Variants in SLC24A2 observed in about 807,000 individuals in gnomAD.
SLC24A2 encodes sodium/potassium/calcium exchanger 2.
Under a neutral mutation model 62.0 loss-of-function variants are expected in SLC24A2, and 36 were observed. The observed-to-expected ratio is 0.58, with a 90% CI of 0.44 to 0.77. The LOEUF (loss-of-function observed/expected upper bound fraction) is 0.77. SLC24A2 is among the 30% of genes least tolerant of loss of function. The pLI is 0.00. For synonymous variants in SLC24A2, 358 were observed against 294.0 expected (o/e 1.22, Z -2.23); for missense variants, 846 against 817.9 (o/e 1.03, Z -0.42).
chr9:20,121,073 GTTCT>G, the SLC24A2 span, among the ~76,000 whole-genome samples: 2 of 147,188 alleles, frequency 1.4e-5, no homozygotes, highest in South Asian at 4.5e-4. Context: ...CAACTTTGTT[GTTCT>G]TTCTCAGTCT....
intron 8 of SLC24A2, among the ~76,000 whole-genome samples, chr9:19,546,080 G>A (rs1834552249): frequency 1.3e-5 from 2 of 152,218 alleles, no homozygotes; most frequent in Admixed American, 1.3e-4. Flanking sequence ...TGGAACCTTT[G>A]TCTCATACGG....
chr9:19,721,303 G>T (rs923281899), intron 2 of SLC24A2, among the ~76,000 whole-genome samples: 2 of 152,084 alleles, frequency 1.3e-5, no homozygotes, highest in African/African-American at 4.8e-5. Context: ...ATTTCAGCTG[G>T]ATTTCAGTTA....
At chr9:19,962,172 T>A in the SLC24A2 span, among the ~76,000 whole-genome samples, 1 of 152,208 alleles carries the variant, frequency 6.6e-6, no homozygotes, top group Admixed American at 6.5e-5. Context: ...AGTGTGACTG[T>A]CTTCAAATCC....
intron 2 of SLC24A2, among the ~76,000 whole-genome samples, chr9:19,687,835 T>C (rs543809048): frequency 6.5e-4 from 99 of 152,214 alleles, no homozygotes; most frequent in South Asian, 4.1e-3. Context: ...TCAGGTGCTG[T>C]GACCCCTCAG....
At chr9:20,164,684 C>T in the SLC24A2 span, among the ~76,000 whole-genome samples, 1 of 151,800 alleles carries the variant, frequency 6.6e-6, no homozygotes. Context: ...CACATGCACA[C>T]CTATGTTTAT....
the SLC24A2 span, among the ~76,000 whole-genome samples, chr9:19,806,872 C>A: frequency 6.6e-6 from 1 of 152,118 alleles, no homozygotes; most frequent in South Asian, 2.1e-4. Flanking sequence ...CAAGTAGGTC[C>A]CTCCTTTCTT....
the SLC24A2 span, among the ~76,000 whole-genome samples, chr9:20,085,629 T>C: frequency 6.6e-6 from 1 of 152,238 alleles, no homozygotes; most frequent in Non-Finnish European, 1.5e-5. Flanking sequence ...CAGTTCACCA[T>C]CTCACTGTTA....
chr9:19,617,813 G>T (rs1163356627), intron 4 of SLC24A2, among the ~76,000 whole-genome samples: 1 of 152,200 alleles, frequency 6.6e-6, no homozygotes, highest in South Asian at 2.1e-4. Flanking sequence ...AAGTAGAAAT[G>T]ACATAACCTG....
the SLC24A2 span, among the ~76,000 whole-genome samples, chr9:19,880,223 A>G: frequency 0.11 from 16,885 of 152,164 alleles, 1,632 homozygotes; most frequent in African/African-American, 0.27. Flanking sequence ...TAGCCTGGAC[A>G]CAGCATTCCA....
At chr9:19,553,668 G>A (rs1160992480) in intron 7 of SLC24A2, among the ~76,000 whole-genome samples, 1 of 152,206 alleles carries the variant, frequency 6.6e-6, no homozygotes, top group Non-Finnish European at 1.5e-5. Context: ...GAGTTCCAGT[G>A]TCTGCTCAGG....
chr9:20,170,270 G>A, the SLC24A2 span, among the ~76,000 whole-genome samples: 1 of 142,722 alleles, frequency 7.0e-6, no homozygotes, highest in Non-Finnish European at 1.5e-5. Context: ...AGTGAAACCA[G>A]CACTCAGGCA....
At chr9:19,634,209 C>T (rs1233807584) in intron 2 of SLC24A2, among the ~76,000 whole-genome samples, 4 of 151,558 alleles carry the variant, frequency 2.6e-5, no homozygotes, top group Non-Finnish European at 4.4e-5. Context: ...AACTAACTTG[C>T]CCACAGCAAT....
chr9:20,245,313 G>A, the SLC24A2 span, among the ~76,000 whole-genome samples: 1 of 152,204 alleles, frequency 6.6e-6, no homozygotes, highest in Admixed American at 6.5e-5. Flanking sequence ...TATTTCCACA[G>A]AACTGTGACT....
chr9:20,293,833 C>T, the SLC24A2 span, among the ~76,000 whole-genome samples: 973 of 152,152 alleles, frequency 6.4e-3, 9 homozygotes, highest in African/African-American at 0.023. Context: ...GTACAATGTC[C>T]ACTCCCACCC....
upstream of SLC24A2, among the ~76,000 whole-genome samples, chr9:19,789,898 A>C (rs1254574966): frequency 3.3e-5 from 5 of 152,102 alleles, no homozygotes; most frequent in African/African-American, 1.2e-4. Context: ...TCTCTCCCCC[A>C]TCCAAGAGGG....
intron 2 of SLC24A2, among the ~76,000 whole-genome samples, chr9:19,756,663 T>C (rs777077775): frequency 3.3e-5 from 5 of 152,148 alleles, no homozygotes; most frequent in Non-Finnish European, 5.9e-5. Context: ...CACTACTGAT[T>C]ATCCTAAAGT....
At chr9:19,785,717 G>A (rs1035524569) in intron 2 of SLC24A2, among the ~76,000 whole-genome samples, 52 of 152,262 alleles carry the variant, frequency 3.4e-4, no homozygotes, top group Non-Finnish European at 6.6e-4. Context: ...GTTTTACTCT[G>A]AAGCAAGTAG....
the SLC24A2 span, among the ~76,000 whole-genome samples, chr9:19,873,521 C>CTCCT: frequency 1.6e-3 from 189 of 116,294 alleles, 2 homozygotes; most frequent in East Asian, 0.045. Context: ...CTTTCTCTCT[C>CTCCT]TCCTTCCTTT....
At chr9:19,685,981 C>A (rs1347055233) in intron 2 of SLC24A2, among the ~76,000 whole-genome samples, 1 of 152,068 alleles carries the variant, frequency 6.6e-6, no homozygotes, top group Non-Finnish European at 1.5e-5. Context: ...AGTAAACAGA[C>A]AACCTACATA....
Sources: gnomAD v4.1 joint callset for allele counts (sites outside exome capture counted in the v4.1 genomes callset) on GRCh38, gnomAD v4.1.1 for gene constraint, MANE v1.5 for transcripts, NCBI Gene and HGNC (gene_info 2026-07-23, HGNC 2026-07-21) for gene names.